Variants in ARHGEF2 observed in about 807,000 individuals in gnomAD.
ARHGEF2 encodes rho guanine nucleotide exchange factor 2.
Under a neutral mutation model 121.0 loss-of-function variants are expected in ARHGEF2, and 22 were observed. That is an observed-to-expected ratio of 0.18 (90% CI 0.13 to 0.26). The LOEUF (loss-of-function observed/expected upper bound fraction) is 0.26, where lower values mean the gene tolerates loss of function less well. Ranked by LOEUF, ARHGEF2 falls within the 10% of genes least tolerant of loss-of-function variation. The probability of loss-of-function intolerance (pLI) is 1.00; values close to 1 mark genes in which losing one functional copy is unlikely to be tolerated. For synonymous variants in ARHGEF2, 487 were observed against 530.0 expected (o/e 0.92, Z 1.11); for missense variants, 907 against 1,336.0 (o/e 0.68, Z 5.01).
chr1:155,970,000 T>C (rs1680158597), intron 1 of ARHGEF2: 1 of 985,284 alleles, frequency 1.0e-6, no homozygotes, highest in Non-Finnish European at 1.2e-6. Context: ...TGCCTTTGGG[T>C]CACTCTTCCA....
chr1:155,964,144 C>CAAAAAAAAAA (rs71576039), intron 7 of ARHGEF2, among the ~76,000 whole-genome samples: 2 of 55,766 alleles, frequency 3.6e-5, no homozygotes, highest in African/African-American at 2.1e-4. Context: ...GACTCTGCTT[C>CAAAAAAAAAA]AAAAAAAAAA....
At chr1:155,968,867 G>A (rs1357382137) in intron 2 of ARHGEF2, 3 of 377,588 alleles carry the variant, frequency 7.9e-6, no homozygotes, top group Non-Finnish European at 1.5e-5. Flanking sequence ...CTTAGCAGCT[G>A]TTCGGGGAGC....
chr1:155,951,898 C>T lies in ARHGEF2; in HGVS notation c.2172+21G>A, dbSNP rs1339457318. ...CCTCTCCCACCCTCTTGCCAAGTCC[C>T]AGAACCTCTTGAGGACCTACCCTCT... is the stretch of plus-strand genomic sequence containing the variant. On this transcript the variant is annotated intron_variant, in intron 17 of 21. Transcript: ENST00000361247. The surrounding 1 kb of genome is among the most constrained non-coding windows in gnomAD (Gnocchi z 5.1). 1.2e-6 allele frequency: 2 copies of T among 1,613,782 alleles called. No homozygotes were observed. The highest frequency in any genetic ancestry group is 1.7e-6 in the Non-Finnish European group (2 of 1,180,000).
chr1:155,966,202 A>T (rs1301554606), intron 4 of ARHGEF2, among the ~76,000 whole-genome samples: 1 of 152,106 alleles, frequency 6.6e-6, no homozygotes, highest in African/African-American at 2.4e-5. Context: ...GCGACCACCC[A>T]TCCCCAGCCC....
Position 155,951,116 on chromosome 1 carries a change from A to G in ARHGEF2, c.2416T>C (p.Leu806=), listed in dbSNP as rs1557993127. 2 of 1,604,396 alleles carry G rather than the reference A, an allele frequency of 1.2e-6. No individual in the cohort carries two copies. Among genetic ancestry groups the G allele is most frequent in the African/African-American group, 2.7e-5 (2 of 74,786 alleles). Residue 806 remains leucine (L), a synonymous_variant, in exon 20 of 22, where the codon TTA becomes CTA. Transcript: ENST00000361247. The surrounding 1 kb of genome is among the most constrained non-coding windows in gnomAD (Gnocchi z 5.1). ...AGCAGCGCATGTTGCCGCTGCAGTA[A>G]TGCCAGTTCCGTGGCCTGCTTTTCA... ...APEKQATELA[L]LQRQHALLQE...
rs1434895126 is a variant in ARHGEF2, at chr1:155,971,087, C to T, written c.64-1787G>A. 7.1e-6 allele frequency: 7 copies of T among 986,268 alleles called. No individual in the cohort carries two copies. The East Asian group carries it at 6.8e-4, about 96-fold the overall frequency. The allele number at this position is 986,268 out of a possible 1,614,324, so 61.1% of individuals were successfully genotyped here. On this transcript the variant is annotated intron_variant, in intron 1 of 21. Transcript: ENST00000361247. ...CTCTCCCGCCCACAGCCTCTCCTCC[C>T]CTCCTCCTCACGCAGGCCAACTGCT...
intron 21 of ARHGEF2, among the ~76,000 whole-genome samples, chr1:155,949,653 T>G (rs1482395577): frequency 1.3e-5 from 2 of 149,652 alleles, no homozygotes; most frequent in East Asian, 2.0e-4. Context: ...CCAAGACAGG[T>G]GGATCGCGAG....
chr1:155,969,451 G>T, intron 1 of ARHGEF2, 151 bp from the exon 2 acceptor site: 1 of 1,460,168 alleles, frequency 6.8e-7, no homozygotes, highest in Non-Finnish European at 9.1e-7. Context: ...GCCTGCAACT[G>T]GGTGTCAGAG....
intron 7 of ARHGEF2, among the ~76,000 whole-genome samples, chr1:155,964,167 A>AAAAAAATATAT (rs1553244640): frequency 1.1e-5 from 1 of 91,220 alleles, no homozygotes; most frequent in African/African-American, 6.0e-5. Flanking sequence ...AAAAAAAAAA[A>AAAAAAATATAT]ATATATATAT....
At chr1:155,968,750 CCAGCTGCAAGG>C (rs1287783422) in intron 2 of ARHGEF2, 1 of 179,300 alleles carries the variant, frequency 5.6e-6, no homozygotes, top group Admixed American at 5.8e-5. Context: ...ACAGGCAGAG[CCAGCTGCAAGG>C]CTGGCAGCTT....
intron 14 of ARHGEF2, among the ~76,000 whole-genome samples, chr1:155,954,282 CTTTTTT>C (rs544870775): frequency 9.2e-6 from 1 of 108,488 alleles, no homozygotes; most frequent in Admixed American, 1.2e-4. Flanking sequence ...CAATCTACTT[CTTTTTT>C]TTTTTTTTTT....
At chr1:155,964,906 A>G in intron 7 of ARHGEF2, 82 bp downstream of exon 7, 2 of 1,481,828 alleles carry the variant, frequency 1.3e-6, no homozygotes, top group Non-Finnish European at 1.8e-6. Flanking sequence ...AAAAAAAAAA[A>G]AAAGAAAAAG....
At chr1:155,964,025 A>G (rs1350924152) in intron 7 of ARHGEF2, among the ~76,000 whole-genome samples, 1 of 150,086 alleles carries the variant, frequency 6.7e-6, no homozygotes, top group African/African-American at 2.5e-5. Context: ...GGCGCCTGTA[A>G]TCCCAGCTAC....
Position 155,965,398 on chromosome 1 carries a change from T to A in ARHGEF2, c.485A>T (p.Glu162Val). ...GATCCGGCGCAGCCCCAGGGGAGAC[T>A]CATCATTGAAATGTCTGAAGAAAGT... ...TTNIAGHFND[E>V]SPLGLRRILS... Residue 162 changes from glutamate (E) to valine (V), a missense_variant, in exon 6 of 22, where the codon GAG becomes GTG. Physicochemically the swap from Glu to Val is moderately radical, Grantham distance 121 (BLOSUM62 -2). Transcript: ENST00000361247. This position sits in a 1 kb window ranked among gnomAD's most constrained non-coding sequence, Gnocchi z 6.0. 2 of 1,614,054 alleles carry A rather than the reference T, an allele frequency of 1.2e-6. No individual in the cohort carries two copies.
At chr1:155,952,928 T>C in intron 14 of ARHGEF2, 100 bp from the exon 15 acceptor site, 1 of 1,096,150 alleles carries the variant, frequency 9.1e-7, no homozygotes, top group South Asian at 1.5e-5. Context: ...TGGGGCAGTG[T>C]GGCAGACTTA....
Position 155,950,756 on chromosome 1 carries a change from G to T in ARHGEF2, c.2703+73C>A. The T allele has an allele frequency of 7.0e-7, 1 of 1,427,106 alleles. No individual in the cohort carries two copies. The highest frequency in any genetic ancestry group is 1.4e-5 in the South Asian group (1 of 72,064). 88.4% of individuals were successfully genotyped at this position (1,427,106 alleles called of 1,614,324 possible). On this transcript the variant is annotated intron_variant, in intron 20 of 21. Coordinates refer to ENST00000361247, the MANE Select transcript of ARHGEF2 (RefSeq NM_001162383.2). The surrounding 1 kb of genome is among the most constrained non-coding windows in gnomAD (Gnocchi z 5.2). ...TTGCATTTGGGCTCAAATCCCCAAT[G>T]GCCCAATTTCTTTCGGGCTCCATGG...
In ARHGEF2 at chr1:155,950,744, C is replaced by G; in HGVS notation, c.2703+85G>C. ...TCAGTTGACTGATTGCATTTGGGCT[C>G]AAATCCCCAATGGCCCAATTTCTTT... On this transcript the variant is annotated intron_variant, in intron 20 of 21. Coordinates refer to ENST00000361247, the MANE Select transcript of ARHGEF2 (RefSeq NM_001162383.2). The surrounding 1 kb of genome is among the most constrained non-coding windows in gnomAD (Gnocchi z 5.2). 3 of 1,378,518 alleles carry G rather than the reference C, an allele frequency of 2.2e-6. No homozygotes were observed. Among genetic ancestry groups the G allele is most frequent in the African/African-American group, 1.4e-5 (1 of 68,972 alleles). The allele number at this position is 1,378,518 out of a possible 1,614,324, so 85.4% of individuals were successfully genotyped here. A position where few individuals can be genotyped will look rare whatever the true frequency, so the allele number is the denominator to read the frequency against.
chr1:155,949,169 C>G (rs1365808377), intron 21 of ARHGEF2, among the ~76,000 whole-genome samples: 1 of 151,970 alleles, frequency 6.6e-6, no homozygotes, highest in Non-Finnish European at 1.5e-5. Context: ...AGGAGAATCA[C>G]TTGAACTCAG....
rs577392240 is a variant in ARHGEF2, at chr1:155,949,579, C to CA, written c.2887+719dup. 2.5e-3 allele frequency among the ~76,000 whole-genome samples: 323 copies of CA among 129,806 alleles called. 3 individuals are homozygous for CA. The highest frequency in any genetic ancestry group is 0.019 in the Middle Eastern group (4 of 216). 85.2% of individuals were successfully genotyped at this position (129,806 alleles called of 152,430 possible). On this transcript the variant is annotated intron_variant, in intron 21 of 21. Transcript: ENST00000361247. Reference sequence around the variant, plus strand: ...TGGCGACAGAGTGAGAATTCCATCTCAAAAAAAAAAAAAATTTAGCCAGGC... The same window carrying CA: ...TGGCGACAGAGTGAGAATTCCATCTCAAAAAAAAAAAAAAATTTAGCCAGGC...
Sources: allele counts gnomAD v4.1 joint callset (sites outside exome capture counted in the v4.1 genomes callset), GRCh38; gene constraint gnomAD v4.1.1; non-coding constraint Gnocchi (gnomAD v3.1); transcripts MANE v1.5; gene names NCBI Gene and HGNC (gene_info 2026-07-23, HGNC 2026-07-21).